OSBPL2: variants seen among roughly 807,000 people sequenced by gnomAD.
OSBPL2 encodes oxysterol binding protein like 2.
In OSBPL2, 18 loss-of-function variants were observed where a neutral mutation model predicts 58.4. The observed-to-expected ratio is 0.31, with a 90% CI of 0.21 to 0.46. The LOEUF (loss-of-function observed/expected upper bound fraction) is 0.46, where lower values mean the gene tolerates loss of function less well. OSBPL2 is among the 20% of genes least tolerant of loss of function. OSBPL2 has a pLI of 1.00. For missense variants in OSBPL2, 461 were observed against 616.5 expected, an observed-to-expected ratio of 0.75 and a Z score of 2.67; for synonymous variants, 221 against 234.1, an observed-to-expected ratio of 0.94 and a Z score of 0.51.
At chr20:62,249,137 G>A (rs1199066701) in intron 1 of OSBPL2, among the ~76,000 whole-genome samples, 1 of 152,156 alleles carries the variant, frequency 6.6e-6, no homozygotes, top group African/African-American at 2.4e-5. Flanking sequence ...CAAGGGACTG[G>A]TGAGTTCCCT....
intron 1 of OSBPL2, among the ~76,000 whole-genome samples, chr20:62,241,684 A>G (rs1350810490): frequency 6.6e-6 from 1 of 152,214 alleles, no homozygotes; most frequent in East Asian, 1.9e-4. Context: ...CTTTGCCTGT[A>G]AGACGGATTA....
chr20:62,287,364 A>G (rs1983204620), intron 11 of OSBPL2, among the ~76,000 whole-genome samples: 1 of 152,236 alleles, frequency 6.6e-6, no homozygotes, highest in African/African-American at 2.4e-5. Flanking sequence ...ACATGCGTAA[A>G]ATACAGAAAA....
chr20:62,284,010 C>A, intron 9 of OSBPL2, 36 bp from the exon 10 acceptor site: 1 of 1,597,394 alleles, frequency 6.3e-7, no homozygotes, highest in Non-Finnish European at 8.6e-7. Flanking sequence ...TTTGTAATGA[C>A]TAAGACTTGT....
intron 1 of OSBPL2, among the ~76,000 whole-genome samples, chr20:62,254,158 A>T (rs1980762673): frequency 6.6e-6 from 1 of 152,170 alleles, no homozygotes; most frequent in South Asian, 2.1e-4. Context: ...CTGAGGGCAG[A>T]GCCCTCACAG....
Position 62,281,050 on chromosome 20 carries a change from C to G in OSBPL2, c.675-8C>G, listed in dbSNP as rs1982746718. 6.2e-7 allele frequency: 1 copy of G among 1,607,250 alleles called. No individual in the cohort carries two copies. Among genetic ancestry groups the G allele is most frequent in the Non-Finnish European group, 8.5e-7 (1 of 1,173,896 alleles). On this transcript the variant is annotated splice_polypyrimidine_tract_variant and splice_region_variant and intron_variant, in intron 7 of 13. Coordinates refer to ENST00000313733, the MANE Select transcript of OSBPL2 (RefSeq NM_144498.4). ...ACTCTCACTGCTTGTTTTCTGGTGT[C>G]TTCACAGACATAATGAAGCCTACAC...
In OSBPL2 at chr20:62,291,743, G is replaced by A; in HGVS notation, c.1290G>A (p.Gln430=). The change falls in exon 13 of 14, where the codon CAG becomes CAA. Residue 430 remains glutamine (Q), a synonymous_variant. Coordinates refer to ENST00000313733, the MANE Select transcript of OSBPL2 (RefSeq NM_144498.4). ...SQEKERLEEK[Q]REARRERAKE... is the part of the protein sequence containing the mutation. ...AGAAGGAGCGGCTGGAGGAGAAGCA[G>A]AGAGAAGCACGGAGGGAGCGGGCCA... 6.2e-7 allele frequency: 1 copy of A among 1,613,604 alleles called. No homozygotes were observed. Among genetic ancestry groups the A allele is most frequent in the Non-Finnish European group, 8.5e-7 (1 of 1,180,010 alleles).
At chr20:62,263,860 TC>T (rs1981486345) in intron 4 of OSBPL2, among the ~76,000 whole-genome samples, 169 bp downstream of exon 4, 1 of 151,990 alleles carries the variant, frequency 6.6e-6, no homozygotes, top group Non-Finnish European at 1.5e-5. Flanking sequence ...GGTCAGGAGA[TC>T]GAGACCATCC....
Position 62,263,699 on chromosome 20 carries a change from C to T in OSBPL2, c.258+8C>T, listed in dbSNP as rs954522631. ...AAGAAGTGTGTTGGCCTGGTGAGTC[C>T]GGGGGCCCGTGTTCACACATGGGGC... On this transcript the variant is annotated splice_region_variant and intron_variant, in intron 4 of 13. Coordinates refer to ENST00000313733, the MANE Select transcript of OSBPL2 (RefSeq NM_144498.4). 21 of 1,612,474 alleles carry T rather than the reference C, an allele frequency of 1.3e-5. No homozygotes were observed. In the African/African-American group the frequency reaches 1.6e-4, roughly 12 times the overall value.
chr20:62,289,022 G>A (rs1340420364), intron 11 of OSBPL2, among the ~76,000 whole-genome samples, 185 bp from the exon 12 acceptor site: 1 of 152,204 alleles, frequency 6.6e-6, no homozygotes, highest in African/African-American at 2.4e-5. Flanking sequence ...CGCAGTGCAT[G>A]ATACGTGCTT....
intron 1 of OSBPL2, among the ~76,000 whole-genome samples, chr20:62,247,129 C>T (rs774980718): frequency 1.3e-5 from 2 of 152,236 alleles, no homozygotes; most frequent in Admixed American, 6.5e-5. Context: ...TGGTTGGGCT[C>T]ACGTGTTAGC....
At chr20:62,241,566 A>G (rs4925359) in intron 1 of OSBPL2, among the ~76,000 whole-genome samples, 149,558 of 152,392 alleles carry the variant, frequency 0.98, 73,449 homozygotes, top group East Asian at 1. Context: ...CCGTGCAGGC[A>G]CAGCTGGCGC....
At chr20:62,249,715 C>T (rs1980395247) in intron 1 of OSBPL2, among the ~76,000 whole-genome samples, 1 of 152,224 alleles carries the variant, frequency 6.6e-6, no homozygotes, top group Non-Finnish European at 1.5e-5. Flanking sequence ...GCTGGGATTA[C>T]AGGCATGGGC....
chr20:62,265,086 A>C (rs1194132446), intron 4 of OSBPL2, among the ~76,000 whole-genome samples: 1 of 152,182 alleles, frequency 6.6e-6, no homozygotes, highest in Non-Finnish European at 1.5e-5. Flanking sequence ...TAGGGAAGAC[A>C]CTTGGATTCT....
At chr20:62,249,627 T>G (rs990546086) in intron 1 of OSBPL2, among the ~76,000 whole-genome samples, 4 of 152,226 alleles carry the variant, frequency 2.6e-5, no homozygotes, top group African/African-American at 4.8e-5. Context: ...CAGGCTGGAG[T>G]GCAGTGGCGC....
rs549440595 is a variant in OSBPL2 at position 62,275,743 on chromosome 20, C to T, written c.491+2337C>T. On this transcript the variant is annotated intron_variant, in intron 6 of 13. Transcript: ENST00000313733. ...GATTACAGGTGTGAGCCTCTGTGCC[C>T]AGTCCAAGTCATAGTTTCATTTGCA... Among the ~76,000 whole-genome samples the T allele has an allele frequency of 1.5e-4, 23 of 151,966 alleles. No homozygotes were observed. The South Asian group carries it at 4.8e-3, about 32-fold the overall frequency.
rs746523210 is a variant in OSBPL2 at position 62,269,411 on chromosome 20, G to T, written c.259-2714G>T. 2.6e-5 allele frequency among the ~76,000 whole-genome samples: 4 copies of T among 152,312 alleles called. No homozygotes were observed. The highest frequency in any genetic ancestry group is 6.5e-5 in the Admixed American group (1 of 15,304). Reference sequence around the variant, plus strand: ...GCTGCTGGGTCAGGGGCAAATACCCGTAGAGTTTGCTAGAAGCAGCCCAGT... The same window carrying T: ...GCTGCTGGGTCAGGGGCAAATACCCTTAGAGTTTGCTAGAAGCAGCCCAGT... On this transcript the variant is annotated intron_variant, in intron 4 of 13. Coordinates refer to ENST00000313733, the MANE Select transcript of OSBPL2 (RefSeq NM_144498.4). This position sits in a 1 kb window ranked among gnomAD's most constrained non-coding sequence, Gnocchi z 4.2.
chr20:62,247,880 G>A (rs938800335), intron 1 of OSBPL2, among the ~76,000 whole-genome samples: 1 of 151,888 alleles, frequency 6.6e-6, no homozygotes, highest in Non-Finnish European at 1.5e-5. Flanking sequence ...GGCCAGGCTG[G>A]TCTCGAACTC....
intron 7 of OSBPL2, chr20:62,280,336 C>G (rs1982700986): frequency 3.1e-6 from 1 of 327,280 alleles, no homozygotes; most frequent in Non-Finnish European, 6.0e-6. Context: ...TGGCCGAGTG[C>G]CTGTTGTGCA....
intron 10 of OSBPL2, 72 bp downstream of exon 10, chr20:62,284,241 A>G: frequency 6.3e-7 from 1 of 1,595,232 alleles, no homozygotes; most frequent in East Asian, 2.2e-5. Flanking sequence ...TGCTGCCTTT[A>G]GCTCACCTGT....
Sources: allele counts gnomAD v4.1 joint callset (sites outside exome capture counted in the v4.1 genomes callset), GRCh38; gene constraint gnomAD v4.1.1; non-coding constraint Gnocchi (gnomAD v3.1); transcripts MANE v1.5; gene names NCBI Gene and HGNC (gene_info 2026-07-23, HGNC 2026-07-21).